Variants in PKHD1 observed in about 807,000 individuals in gnomAD.
PKHD1 encodes the protein PKHD1 ciliary IPT domain containing fibrocystin/polyductin.
PKHD1 carries 291 observed loss-of-function variants against 412.0 expected under a neutral mutation model. The observed-to-expected ratio is 0.71, with a 90% CI of 0.64 to 0.78. The LOEUF (loss-of-function observed/expected upper bound fraction) is 0.78. Ranked by LOEUF, PKHD1 falls within the 30% of genes least tolerant of loss-of-function variation. The probability of loss-of-function intolerance (pLI) is 0.00; values close to 1 mark genes in which losing one functional copy is unlikely to be tolerated. For synonymous variants in PKHD1, 1,777 were observed against 1,821.5 expected, an observed-to-expected ratio of 0.98 and a Z score of 0.62; for missense variants, 4,825 against 4,950.7, an observed-to-expected ratio of 0.97 and a Z score of 0.76.
At chr6:51,859,418 C>T (rs867347009) in intron 48 of PKHD1, among the ~76,000 whole-genome samples, 7 of 149,880 alleles carry the variant, frequency 4.7e-5, no homozygotes, top group Middle Eastern at 3.5e-3. Context: ...CCCAGCTACT[C>T]GGGAGGCTGA....
intron 60 of PKHD1, among the ~76,000 whole-genome samples, chr6:51,729,774 G>A (rs1474726547): frequency 6.6e-6 from 1 of 152,146 alleles, no homozygotes; most frequent in African/African-American, 2.4e-5. Flanking sequence ...TATAGTAGCA[G>A]TGGTCATTAT....
chr6:51,891,947 C>G (rs1215314028), intron 43 of PKHD1, among the ~76,000 whole-genome samples: 2 of 152,130 alleles, frequency 1.3e-5, no homozygotes, highest in Non-Finnish European at 2.9e-5. Context: ...GCAGCCAGGA[C>G]CTGGTCAGGG....
At chr6:51,631,608 C>T (rs62461284) in intron 65 of PKHD1, among the ~76,000 whole-genome samples, 5,372 of 152,168 alleles carry the variant, frequency 0.035, 142 homozygotes, top group Non-Finnish European at 0.055. Flanking sequence ...TTTTGTAGAG[C>T]CTCCTAGTAA....
At chr6:51,863,492 C>T (rs1407058) in intron 48 of PKHD1, among the ~76,000 whole-genome samples, 60,820 of 151,918 alleles carry the variant, frequency 0.4, 13,358 homozygotes, top group East Asian at 0.85. Flanking sequence ...AAGGGTTGAG[C>T]TTACATCCTC....
In PKHD1 at chr6:52,024,692, G is replaced by A; in HGVS notation, c.5118C>T (p.Val1706=). 2 of 1,614,164 alleles carry A rather than the reference G, an allele frequency of 1.2e-6. No homozygotes were observed. The highest frequency in any genetic ancestry group is 8.5e-7 in the Non-Finnish European group (1 of 1,180,004). ...SGNHTVLQCV[V]PSLPAGEYHV... is the part of the protein sequence containing the mutation. ...GGTACTCCCCGGCCGGAAGGGAAGG[G>A]ACCACGCACTGAAGAACGGTGTGGT... Residue 1706 remains valine (V), a synonymous_variant, in exon 32 of 67, where the codon GTC becomes GTT. Coordinates refer to ENST00000371117, the MANE Select transcript of PKHD1 (RefSeq NM_138694.4).
Position 51,638,799 on chromosome 6 carries a change from C to CA in PKHD1, c.11506+49dup, listed in dbSNP as rs376358912. The CA allele has an allele frequency of 0.31, 254,387 of 827,388 alleles. 8,851 individuals carry two copies. The highest frequency in any genetic ancestry group is 0.44 in the African/African-American group (21,127 of 48,272). The allele number at this position is 827,388 out of a possible 1,614,324, so 51.3% of individuals were successfully genotyped here. On this transcript the variant is annotated intron_variant, in intron 64 of 66. Transcript: ENST00000371117. ...TATAAGGGAGAAAGGATTATCTTCT[C>CA]AAAAAAAAAAAAAAAAAACACAGAA...
chr6:51,746,641 T>C (rs1785225917), intron 59 of PKHD1, 80 bp downstream of exon 59: 2 of 907,592 alleles, frequency 2.2e-6, no homozygotes. Context: ...ATTTTATTCC[T>C]TTCAAAAAAC....
chr6:51,746,004 T>G (rs1027082812), intron 59 of PKHD1, among the ~76,000 whole-genome samples: 1 of 152,154 alleles, frequency 6.6e-6, no homozygotes, highest in Non-Finnish European at 1.5e-5. Context: ...TTGCTTTGTT[T>G]TTTTTTCTTC....
At chr6:51,732,657 A>G (rs1783363876) in intron 60 of PKHD1, among the ~76,000 whole-genome samples, 1 of 152,222 alleles carries the variant, frequency 6.6e-6, no homozygotes, top group Non-Finnish European at 1.5e-5. Flanking sequence ...GTCAACAAGG[A>G]TGTGGAGAAA....
chr6:51,993,462 G>A (rs534029979), intron 35 of PKHD1, among the ~76,000 whole-genome samples: 2 of 152,346 alleles, frequency 1.3e-5, no homozygotes, highest in African/African-American at 2.4e-5. Context: ...ATTAAGTCCC[G>A]TGGGACAGGC....
intron 60 of PKHD1, among the ~76,000 whole-genome samples, chr6:51,676,341 A>G (rs1052179208): frequency 6.6e-6 from 1 of 152,028 alleles, no homozygotes; most frequent in Non-Finnish European, 1.5e-5. Context: ...AAATGCACAT[A>G]GAATCCTTCC....
intron 23 of PKHD1, among the ~76,000 whole-genome samples, chr6:52,047,120 G>A (rs1805971704): frequency 6.6e-6 from 1 of 152,214 alleles, no homozygotes; most frequent in Admixed American, 6.5e-5. Flanking sequence ...TTTCCCAGTT[G>A]TTTTGCAGGC....
At chr6:51,917,189 T>TG (rs1213727792) in intron 37 of PKHD1, among the ~76,000 whole-genome samples, 4 of 39,224 alleles carry the variant, frequency 1.0e-4, no homozygotes, top group Admixed American at 2.7e-4. Flanking sequence ...GAGGGAGAGG[T>TG]GGGGGGGAGA....
chr6:52,019,784 ACAC>A (rs1405330880), intron 33 of PKHD1, among the ~76,000 whole-genome samples: 2 of 152,232 alleles, frequency 1.3e-5, no homozygotes, highest in African/African-American at 4.8e-5. Flanking sequence ...TTTTAAACAA[ACAC>A]AAAGTATTAG....
At chr6:52,075,733 A>T (rs377515401) in intron 6 of PKHD1, among the ~76,000 whole-genome samples, 39 of 152,366 alleles carry the variant, frequency 2.6e-4, no homozygotes, top group African/African-American at 8.2e-4. Context: ...AATGGTGGAT[A>T]TATGGGCCAC....
At chr6:51,974,468 T>C (rs534309540) in intron 35 of PKHD1, among the ~76,000 whole-genome samples, 1 of 152,320 alleles carries the variant, frequency 6.6e-6, no homozygotes, top group Non-Finnish European at 1.5e-5. Flanking sequence ...TGAAAGCTTG[T>C]CCTGTTCCCT....
At chr6:51,989,309 CA>C (rs1796588358) in intron 35 of PKHD1, among the ~76,000 whole-genome samples, 1 of 152,184 alleles carries the variant, frequency 6.6e-6, no homozygotes, top group Admixed American at 6.5e-5. Flanking sequence ...TTTTCTGCTG[CA>C]AAACATGTTT....
At chr6:52,031,665 T>C (rs1006655548) in intron 29 of PKHD1, among the ~76,000 whole-genome samples, 15 of 152,188 alleles carry the variant, frequency 9.9e-5, no homozygotes, top group African/African-American at 3.6e-4. Context: ...GTCCCTCTTA[T>C]GCTTTTATTT....
At chr6:51,768,256 T>C (rs1048251581) in intron 55 of PKHD1, among the ~76,000 whole-genome samples, 10 of 151,890 alleles carry the variant, frequency 6.6e-5, no homozygotes, top group Non-Finnish European at 1.0e-4. Flanking sequence ...TTTTCAAGTG[T>C]TTATTATTCC....
Sources: allele counts gnomAD v4.1 joint callset (sites outside exome capture counted in the v4.1 genomes callset), GRCh38; gene constraint gnomAD v4.1.1; transcripts MANE v1.5; gene names NCBI Gene and HGNC (gene_info 2026-07-23, HGNC 2026-07-21).